SHROOM2: variants seen among roughly 807,000 people sequenced by gnomAD.
SHROOM2 encodes the protein shroom family member 2.
A neutral mutation model predicts 75.9 loss-of-function variants in SHROOM2; 33 were observed. The ratio of observed to expected loss-of-function variants is 0.43; its 90% CI spans 0.33 to 0.58. The LOEUF is 0.58. SHROOM2 is among the 20% of genes least tolerant of loss of function. The probability of loss-of-function intolerance (pLI) is 0.04; values close to 1 mark genes in which losing one functional copy is unlikely to be tolerated. For missense variants in SHROOM2, 1,434 were observed against 1,461.2 expected (o/e 0.98, Z 0.30); for synonymous variants, 655 against 663.6 (o/e 0.99, Z 0.20).
At chrX:9,865,761 C>A (rs1402392499) in intron 1 of SHROOM2, among the ~76,000 whole-genome samples, 3 of 109,070 alleles carry the variant, frequency 2.8e-5, no homozygotes, top group Non-Finnish European at 5.7e-5. Flanking sequence ...GGGGTTTCAC[C>A]ATGTTAGCCA....
intron 2 of SHROOM2, among the ~76,000 whole-genome samples, chrX:9,889,386 T>G (rs1029967005): frequency 8.9e-6 from 1 of 112,483 alleles, no homozygotes; most frequent in Non-Finnish European, 1.9e-5. Context: ...CACAAAGTAT[T>G]TAAAGAGGCC....
intron 8 of SHROOM2, among the ~76,000 whole-genome samples, chrX:9,942,395 A>G (rs2084780110): frequency 9.0e-6 from 1 of 111,193 alleles, no homozygotes; most frequent in Non-Finnish European, 1.9e-5. Context: ...AATTGGAGGT[A>G]GCGTCTCATC....
chrX:9,919,720 G>A (rs1330199482), intron 5 of SHROOM2, among the ~76,000 whole-genome samples: 1 of 111,206 alleles, frequency 9.0e-6, no homozygotes, highest in Non-Finnish European at 1.9e-5. Context: ...GGAACCACCA[G>A]GCATGCATAG....
At chrX:9,869,475 C>G (rs183640986) in intron 1 of SHROOM2, among the ~76,000 whole-genome samples, 2 of 111,942 alleles carry the variant, frequency 1.8e-5, no homozygotes, top group Admixed American at 9.5e-5. Flanking sequence ...TTGCCATTCC[C>G]TCCTCTCCCC....
chrX:9,856,878 C>G (rs1207543834), intron 1 of SHROOM2, among the ~76,000 whole-genome samples: 1 of 112,581 alleles, frequency 8.9e-6, no homozygotes, highest in Non-Finnish European at 1.9e-5. Context: ...TGACTTCTGC[C>G]TTTCCCCCAT....
chrX:9,804,879 G>A (rs2083743053), intron 1 of SHROOM2, among the ~76,000 whole-genome samples: 1 of 111,324 alleles, frequency 9.0e-6, no homozygotes, highest in South Asian at 3.8e-4. Context: ...GAGTTCCTGG[G>A]CTCTGGGAAC....
Position 9,830,584 on chromosome X carries a change from C to CTTTTTTTTTTT in SHROOM2, c.166-43044_166-43034dup, listed in dbSNP as rs1166769024. 1.8e-4 allele frequency among the ~76,000 whole-genome samples: 6 copies of CTTTTTTTTTTT among 33,642 alleles called. 1 individual carries two copies. Among genetic ancestry groups the CTTTTTTTTTTT allele is most frequent in the African/African-American group, 3.6e-4 (3 of 8,355 alleles). 29.2% of individuals were successfully genotyped at this position (33,642 alleles called of 115,157 possible). ...AGGGTCTCAAGTGAACCCCTGGTTT[C>CTTTTTTTTTTT]TTTTTTTTTTTTTTTTTTTTTTTTT... is the stretch of plus-strand genomic sequence containing the variant. On this transcript the variant is annotated intron_variant, in intron 1 of 9. Transcript: ENST00000380913.
At chrX:9,943,133 G>A (rs1408428762) in intron 8 of SHROOM2, among the ~76,000 whole-genome samples, 5 of 110,007 alleles carry the variant, frequency 4.5e-5, no homozygotes, top group African/African-American at 1.7e-4. Context: ...GGCTGAGGTG[G>A]GAGGATTGGT....
Position 9,932,481 on chromosome X carries a change from G to T in SHROOM2, c.3198G>T (p.Pro1066=). Residue 1066 remains proline, a synonymous_variant, in exon 6 of 10, where the codon CCG becomes CCT. Transcript: ENST00000380913. ...AGAGGCCAGCCCCACAGAGGCCACC[G>T]CCACCCAAGCGCGAGCCCAGGAGAT... is the stretch of plus-strand genomic sequence containing the variant. ...LSKRPAPQRP[P]PPKREPRRYR... is the part of the protein sequence containing the mutation. 8.3e-7 allele frequency: 1 copy of T among 1,207,395 alleles called. No individual in the cohort carries two copies. Among genetic ancestry groups the T allele is most frequent in the Non-Finnish European group, 1.1e-6 (1 of 893,131 alleles).
rs2084183213 is a variant in SHROOM2, at chrX:9,873,684, C to G, written c.198C>G (p.Asp66Glu). The change falls in exon 2 of 10, where the codon GAC (aspartate) becomes GAG (glutamate). Residue 66 changes from aspartate to glutamate, a missense_variant. Asp to Glu is a conservative substitution (Grantham distance 45). This residue lies in a region of SHROOM2 where 1,340 missense variants were observed against 1,338.3 expected (regional missense o/e 1.00). Transcript: ENST00000380913. Reference protein sequence around the residue: ...IEEGSKAAAVDKLLAGDEIVG... With the variant: ...IEEGSKAAAVEKLLAGDEIVG... ...AGGGCAGTAAAGCCGCGGCGGTCGA[C>G]AAGTTACTGGCTGGAGATGAGATCG... is the stretch of plus-strand genomic sequence containing the variant. 1 of 1,210,274 alleles carries G rather than the reference C, an allele frequency of 8.3e-7. No individual in the cohort carries two copies.
chrX:9,837,618 C>T (rs1193324956), intron 1 of SHROOM2, among the ~76,000 whole-genome samples: 1 of 112,293 alleles, frequency 8.9e-6, no homozygotes, highest in African/African-American at 3.2e-5. Flanking sequence ...GCTCTGAGAC[C>T]GTTCCTTGTC....
At chrX:9,925,052 T>C (rs1328871686) in intron 5 of SHROOM2, among the ~76,000 whole-genome samples, 1 of 111,143 alleles carries the variant, frequency 9.0e-6, no homozygotes, top group Non-Finnish European at 1.9e-5. Context: ...CATTGATAGG[T>C]TGGTTGCTTG....
At chrX:9,945,463 C>T (rs914743132) in intron 9 of SHROOM2, among the ~76,000 whole-genome samples, 2 of 111,440 alleles carry the variant, frequency 1.8e-5, no homozygotes, top group Admixed American at 9.6e-5. Flanking sequence ...GGGAGTTGAA[C>T]CGTCATTGGA....
rs1168220038 is a variant in SHROOM2, at chrX:9,870,662, A to G, written c.166-2990A>G. On this transcript the variant is annotated intron_variant, in intron 1 of 9. Coordinates refer to ENST00000380913, the MANE Select transcript of SHROOM2 (RefSeq NM_001649.4). The stretch of plus-strand genomic sequence containing the variant: ...ATCTACTATCAGAATGTACTTAAAG[A>G]GACCAATCTTTTCACCTCTTTGTAG... Among the ~76,000 whole-genome samples the G allele has an allele frequency of 2.7e-5, 3 of 112,510 alleles. No individual in the cohort carries two copies. In the Admixed American group the frequency reaches 2.8e-4, roughly 11 times the overall value.
chrX:9,818,408 G>A (rs575808535), intron 1 of SHROOM2: 36 of 241,696 alleles, frequency 1.5e-4, no homozygotes, highest in South Asian at 1.0e-3. Context: ...ACTTTGACAC[G>A]AATCTCTTTG....
At chrX:9,876,653 C>T (rs1015601926) in intron 2 of SHROOM2, among the ~76,000 whole-genome samples, 1 of 112,501 alleles carries the variant, frequency 8.9e-6, no homozygotes, top group Non-Finnish European at 1.9e-5. Flanking sequence ...CCAACATATT[C>T]ATATTCTATA....
chrX:9,869,667 T>G (rs992540821), intron 1 of SHROOM2, among the ~76,000 whole-genome samples: 1 of 112,546 alleles, frequency 8.9e-6, no homozygotes, highest in Admixed American at 9.4e-5. Flanking sequence ...GGCTGAATAA[T>G]ATTCCCATTA....
chrX:9,786,845 C>A, intron 1 of SHROOM2, 135 bp downstream of exon 1: 1 of 443,596 alleles, frequency 2.3e-6, no homozygotes, highest in Non-Finnish European at 3.0e-6. Flanking sequence ...GGGTCACCTG[C>A]CGGGCCTGGG....
At chrX:9,853,099 A>G (rs780806126) in intron 1 of SHROOM2, among the ~76,000 whole-genome samples, 1 of 111,798 alleles carries the variant, frequency 8.9e-6, no homozygotes, top group African/African-American at 3.3e-5. Flanking sequence ...TTGGGTGCTG[A>G]CAGACCCAGC....
Sources: allele counts gnomAD v4.1 joint callset (sites outside exome capture counted in the v4.1 genomes callset), GRCh38; gene constraint gnomAD v4.1.1; regional missense constraint gnomAD v4.1.1; transcripts MANE v1.5; gene names NCBI Gene and HGNC (gene_info 2026-07-23, HGNC 2026-07-21).